Variants in RAPH1 observed in about 807,000 individuals in gnomAD.
RAPH1 encodes ras-associated and pleckstrin homology domains-containing protein 1.
RAPH1 carries 18 observed loss-of-function variants against 88.1 expected under a neutral mutation model. The ratio of observed to expected loss-of-function variants is 0.20; its 90% CI spans 0.14 to 0.30. The LOEUF (loss-of-function observed/expected upper bound fraction) is 0.30. Among genes scored for constraint, RAPH1 ranks in the 10% least tolerant of loss-of-function variants. The probability of loss-of-function intolerance (pLI) is 1.00; values close to 1 mark genes in which losing one functional copy is unlikely to be tolerated. For missense variants in RAPH1, 1,448 were observed against 1,543.2 expected (o/e 0.94, Z 1.03); for synonymous variants, 587 against 559.0 (o/e 1.05, Z -0.71).
At chr2:203,484,132 T>C (rs1396731012) in intron 4 of RAPH1, among the ~76,000 whole-genome samples, 3 of 152,128 alleles carry the variant, frequency 2.0e-5, no homozygotes, top group Admixed American at 2.0e-4. Context: ...ATAGAGATAT[T>C]GATTAGAGAT....
chr2:203,506,866 A>ATCTATATATATATATC, intron 1 of RAPH1, among the ~76,000 whole-genome samples: 1 of 90,662 alleles, frequency 1.1e-5, no homozygotes, highest in South Asian at 3.1e-4. Flanking sequence ...CTATATATAT[A>ATCTATATATATATATC]TATATATATA....
intron 1 of RAPH1, among the ~76,000 whole-genome samples, chr2:203,515,929 AAAGG>A (rs977046301): frequency 6.6e-6 from 1 of 152,266 alleles, no homozygotes; most frequent in African/African-American, 2.4e-5. Context: ...AAACTGGCAT[AAAGG>A]AAGAGCATCA....
chr2:203,504,670 T>TAA (rs566237475), intron 1 of RAPH1, among the ~76,000 whole-genome samples: 15,134 of 141,012 alleles, frequency 0.11, 1,394 homozygotes, highest in African/African-American at 0.25. Context: ...GAATTTCTCC[T>TAA]AAAAAAAAAA....
rs572812967 is a variant in RAPH1 at position 203,506,583 on chromosome 2, A to C, written c.1-11230T>G. 1.5e-4 allele frequency among the ~76,000 whole-genome samples: 23 copies of C among 151,498 alleles called. No homozygotes were observed. The East Asian group carries it at 4.5e-3, about 29-fold the overall frequency. ...GCCTCTAGAACATCATCTAGTGGCA[A>C]AAAGTCCTCAATTAATGATAGGCAC... On this transcript the variant is annotated intron_variant, in intron 1 of 13. Transcript: ENST00000319170.
chr2:203,502,092 G>T (rs1298793733), intron 1 of RAPH1, among the ~76,000 whole-genome samples: 2 of 152,234 alleles, frequency 1.3e-5, no homozygotes, highest in Non-Finnish European at 2.9e-5. Flanking sequence ...TAAGAAGGAA[G>T]CAATGTGCTA....
chr2:203,495,784 C>T (rs1183781776), intron 1 of RAPH1, among the ~76,000 whole-genome samples: 1 of 151,972 alleles, frequency 6.6e-6, no homozygotes, highest in African/African-American at 2.4e-5. Flanking sequence ...GTTTAGATAC[C>T]AATAGGTACC....
At chr2:203,461,464 G>C (rs2153641723) in intron 5 of RAPH1, 56 bp from the exon 6 acceptor site, 1 of 1,310,460 alleles carries the variant, frequency 7.6e-7, no homozygotes, top group East Asian at 2.6e-5. Flanking sequence ...TTCTAGGAAA[G>C]GCACTGATCC....
chr2:203,493,826 C>T (rs969785106), intron 2 of RAPH1, among the ~76,000 whole-genome samples: 4 of 151,744 alleles, frequency 2.6e-5, no homozygotes, highest in African/African-American at 9.7e-5. Context: ...ACAAAACCAG[C>T]TGGGCATGGT....
chr2:203,488,355 G>A lies in RAPH1; in HGVS notation c.732+1229C>T, dbSNP rs931906152. On this transcript the variant is annotated intron_variant, in intron 4 of 13. Transcript: ENST00000319170. ...CTCACACCTGTAACCCCAGCACTTT[G>A]GGAAGTGGGCGGATCACAAGGTCAG... 1.6e-4 allele frequency among the ~76,000 whole-genome samples: 24 copies of A among 151,260 alleles called. 1 individual carries two copies. The highest frequency in any genetic ancestry group is 5.1e-4 in the African/African-American group (21 of 41,202).
chr2:203,440,642 G>GT lies in RAPH1; in HGVS notation c.2547dup (p.Pro850ThrfsTer73). On this transcript the variant is annotated frameshift_variant, in exon 14 of 14. Coordinates refer to ENST00000319170, the MANE Select transcript of RAPH1 (RefSeq NM_213589.3). LOFTEE classifies it high-confidence loss of function. ...ACCGGTGACAGTGGAGAGGGAGGGG[G>GT]TTTTGCACAGAAGCTCTGTTGCTTG... 6.5e-7 allele frequency: 1 copy of GT among 1,544,196 alleles called. No individual in the cohort carries two copies. Among genetic ancestry groups the GT allele is most frequent in the Non-Finnish European group, 8.8e-7 (1 of 1,139,926 alleles).
At chr2:203,489,453 A>C in intron 4 of RAPH1, 131 bp downstream of exon 4, 1 of 635,848 alleles carries the variant, frequency 1.6e-6, no homozygotes, top group Non-Finnish European at 2.4e-6. Context: ...GTACTCTTGA[A>C]ACCTATCTCA....
chr2:203,479,276 T>C (rs1033936028), intron 4 of RAPH1, among the ~76,000 whole-genome samples: 44 of 152,320 alleles, frequency 2.9e-4, no homozygotes, highest in South Asian at 4.1e-4. Context: ...GTGTCCATTA[T>C]ATTTCCAAAT....
In RAPH1 at chr2:203,438,431, C is replaced by A; in HGVS notation, c.*1006G>T. ...CACAGGATGTGTATATTTCATATAC[C>A]AATTGTCTACAGATATGTAATAACA... On this transcript the variant is annotated 3_prime_UTR_variant, in exon 14 of 14. Transcript: ENST00000319170. The A allele has an allele frequency of 3.1e-6, 1 of 320,040 alleles. No individual in the cohort carries two copies. Among genetic ancestry groups the A allele is most frequent in the Non-Finnish European group, 6.1e-6 (1 of 163,126 alleles). The allele number at this position is 320,040 out of a possible 1,614,324, so 19.8% of individuals were successfully genotyped here. A position where few individuals can be genotyped will look rare whatever the true frequency, so the allele number is the denominator to read the frequency against.
At chr2:203,475,815 GGTGT>G (rs1311981552) in intron 4 of RAPH1, among the ~76,000 whole-genome samples, 1 of 150,668 alleles carries the variant, frequency 6.6e-6, no homozygotes, top group African/African-American at 2.4e-5. Context: ...ATTATAGGTA[GGTGT>G]AAGGTTTGAC....
rs1380578705 is a variant in RAPH1 at position 203,455,866 on chromosome 2, A to G, written c.1159-286T>C. On this transcript the variant is annotated intron_variant, in intron 8 of 13. Transcript: ENST00000319170. ...CTACTTAAAAAAAAAAAAAAAAGCCAGGCATGGTGGCGCGAGCCTGTAGTC... is the reference window on the plus strand; with the variant it reads ...CTACTTAAAAAAAAAAAAAAAAGCCGGGCATGGTGGCGCGAGCCTGTAGTC... Among the ~76,000 whole-genome samples the G allele has an allele frequency of 2.7e-5, 4 of 150,598 alleles. No homozygotes were observed. In the East Asian group the frequency reaches 7.8e-4, roughly 29 times the overall value.
Position 203,439,563 on chromosome 2 carries a change from C to T in RAPH1, c.3627G>A (p.Leu1209=), listed in dbSNP as rs2098501362. 2 of 1,614,032 alleles carry T rather than the reference C, an allele frequency of 1.2e-6. No individual in the cohort carries two copies. The highest frequency in any genetic ancestry group is 2.2e-5 in the South Asian group (2 of 91,086). Residue 1209 remains leucine (L), a synonymous_variant, in exon 14 of 14, where the codon CTG becomes CTA. Transcript: ENST00000319170. ...DMALPPPPPE[L]LSDQQKAGYG... Reference sequence around the variant, plus strand: ...AACCAGCCTTCTGTTGATCAGACAGCAGTTCAGGGGGTGGTGGAGGCAATG... The same window carrying T: ...AACCAGCCTTCTGTTGATCAGACAGTAGTTCAGGGGGTGGTGGAGGCAATG...
At chr2:203,528,944 GA>G (rs1173610445) in intron 1 of RAPH1, among the ~76,000 whole-genome samples, 1 of 123,466 alleles carries the variant, frequency 8.1e-6, no homozygotes, top group Non-Finnish European at 1.6e-5. Context: ...GATATATAAA[GA>G]ATATATTTTC....
chr2:203,489,383 A>C (rs773283002), intron 4 of RAPH1, among the ~76,000 whole-genome samples: 19 of 152,212 alleles, frequency 1.2e-4, no homozygotes, highest in Non-Finnish European at 2.6e-4. Context: ...ATAAAAAAGA[A>C]ACTAAATTTC....
intron 4 of RAPH1, among the ~76,000 whole-genome samples, chr2:203,483,662 A>G (rs968219173): frequency 6.6e-6 from 1 of 152,178 alleles, no homozygotes; most frequent in African/African-American, 2.4e-5. Context: ...TTTCCAGAGG[A>G]GATGGTGTGT....
Sources: gnomAD v4.1 joint callset for allele counts (sites outside exome capture counted in the v4.1 genomes callset) on GRCh38, gnomAD v4.1.1 for gene constraint, MANE v1.5 for transcripts, NCBI Gene and HGNC (gene_info 2026-07-23, HGNC 2026-07-21) for gene names.